Variants in BCAS3 observed in about 807,000 individuals in gnomAD.
BCAS3 encodes BCAS3 microtubule associated cell migration factor, also known as BCAS4/BCAS3 fusion.
BCAS3 carries 53 observed loss-of-function variants against 116.1 expected under a neutral mutation model. The ratio of observed to expected loss-of-function variants is 0.46; its 90% CI spans 0.37 to 0.57. The LOEUF is 0.57. BCAS3 is among the 20% of genes least tolerant of loss of function. The pLI, the probability that BCAS3 is intolerant of heterozygous loss-of-function variation, is 0.00. For missense variants in BCAS3, 917 were observed against 1,165.4 expected (o/e 0.79, Z 3.10); for synonymous variants, 391 against 408.2 (o/e 0.96, Z 0.51).
chr17:61,371,236 T>A (rs2059025775), intron 23 of BCAS3, among the ~76,000 whole-genome samples: 2 of 152,338 alleles, frequency 1.3e-5, no homozygotes, highest in South Asian at 4.1e-4. Context: ...AGCCTTGATT[T>A]GTGGATTTCT....
Position 61,316,994 on chromosome 17 carries a change from C to G in BCAS3, c.2426-51333C>G, listed in dbSNP as rs573059568. 6.6e-6 allele frequency among the ~76,000 whole-genome samples: 1 copy of G among 152,156 alleles called. No individual in the cohort carries two copies. The highest frequency in any genetic ancestry group is 1.5e-5 in the Non-Finnish European group (1 of 68,042). On this transcript the variant is annotated intron_variant, in intron 22 of 23. Transcript: ENST00000407086. This position sits in a 1 kb window ranked among gnomAD's most constrained non-coding sequence, Gnocchi z 5.8. ...CCTCTCACCTCAGACACTGATGGTA[C>G]TATTAGAGTTCGGGAGGCTTCAACA...
At chr17:60,925,755 G>A (rs953550852) in intron 13 of BCAS3, among the ~76,000 whole-genome samples, 3 of 152,028 alleles carry the variant, frequency 2.0e-5, no homozygotes, top group African/African-American at 7.2e-5. Flanking sequence ...TCACAGTAAG[G>A]AGTTGGTGTA....
At chr17:60,933,253 C>A (rs1390707278) in intron 13 of BCAS3, among the ~76,000 whole-genome samples, 1 of 152,176 alleles carries the variant, frequency 6.6e-6, no homozygotes, top group East Asian at 1.9e-4. Flanking sequence ...TTTTGGACAA[C>A]AAACTATTTC....
rs1217257703 is a variant in BCAS3 at position 61,079,657 on chromosome 17, G to A, written c.2327+1128G>A. On this transcript the variant is annotated intron_variant, in intron 21 of 23. Coordinates refer to ENST00000407086, the MANE Select transcript of BCAS3 (RefSeq NM_017679.5). ...GTCACTCAGGCTGGAGTGCAATGGTGTGATCTCTGCTCACTGCAACCTCTG... is the reference window on the plus strand; with the variant it reads ...GTCACTCAGGCTGGAGTGCAATGGTATGATCTCTGCTCACTGCAACCTCTG... 3.3e-5 allele frequency among the ~76,000 whole-genome samples: 5 copies of A among 152,118 alleles called. No individual in the cohort carries two copies. In the East Asian group the frequency reaches 9.7e-4, roughly 29 times the overall value.
rs1162942971 is a variant in BCAS3 at position 60,911,123 on chromosome 17, C to CTTTTTTTTTTTTTTTTTT, written c.993+438_993+439insTTTTTTTTTTTTTTTTTT. On this transcript the variant is annotated intron_variant, in intron 12 of 23. Coordinates refer to ENST00000407086, the MANE Select transcript of BCAS3 (RefSeq NM_017679.5). Reference sequence around the variant, plus strand: ...AATAAATTTTTTTCTTTTTTTCTTTCTTTTTTTTTTTTTTTTTGAGATGGA... The same window carrying CTTTTTTTTTTTTTTTTTT: ...AATAAATTTTTTTCTTTTTTTCTTTCTTTTTTTTTTTTTTTTTTTTTTTTTTTTTTTTTTTGAGATGGA... Among the ~76,000 whole-genome samples the CTTTTTTTTTTTTTTTTTT allele has an allele frequency of 1.1e-3, 98 of 88,266 alleles. 4 individuals are homozygous for CTTTTTTTTTTTTTTTTTT. The highest frequency in any genetic ancestry group is 1.9e-3 in the East Asian group (5 of 2,586). 57.9% of individuals were successfully genotyped at this position (88,266 alleles called of 152,430 possible).
At chr17:60,856,997 A>G (rs977047286) in intron 7 of BCAS3, among the ~76,000 whole-genome samples, 1 of 152,200 alleles carries the variant, frequency 6.6e-6, no homozygotes, top group Non-Finnish European at 1.5e-5. Flanking sequence ...TAAAATCTTA[A>G]TAACTTCCTT....
chr17:61,267,960 A>G (rs4968544), intron 22 of BCAS3, among the ~76,000 whole-genome samples: 33,301 of 151,808 alleles, frequency 0.22, 3,839 homozygotes, highest in African/African-American at 0.29. Context: ...TCCCCGAGAA[A>G]ACTGGGTCAC....
intron 8 of BCAS3, among the ~76,000 whole-genome samples, chr17:60,870,838 C>A (rs1222657651): frequency 6.6e-6 from 1 of 152,096 alleles, no homozygotes; most frequent in Non-Finnish European, 1.5e-5. Context: ...AAAAACGATG[C>A]CATGTGAATT....
rs2076810901 is a variant in BCAS3, at chr17:61,139,461, G to A, written c.2425+54897G>A. Reference sequence around the variant, plus strand: ...TGTCGAGAGAGCATGGCTGCACCCTGTGCATTCTGGGCACACATCATCTGG... The same window carrying A: ...TGTCGAGAGAGCATGGCTGCACCCTATGCATTCTGGGCACACATCATCTGG... On this transcript the variant is annotated intron_variant, in intron 22 of 23. Transcript: ENST00000407086. This position sits in a 1 kb window ranked among gnomAD's most constrained non-coding sequence, Gnocchi z 4.7. Among the ~76,000 whole-genome samples, 1 of 152,172 alleles carries A rather than the reference G, an allele frequency of 6.6e-6. No individual in the cohort carries two copies. Among genetic ancestry groups the A allele is most frequent in the Non-Finnish European group, 1.5e-5 (1 of 68,036 alleles).
intron 7 of BCAS3, among the ~76,000 whole-genome samples, chr17:60,828,810 A>G (rs1369213054): frequency 6.6e-6 from 1 of 152,138 alleles, no homozygotes; most frequent in Non-Finnish European, 1.5e-5. Context: ...TGTGTCAGCT[A>G]CTGTTAAATA....
chr17:60,985,141 CTTT>C (rs560277871), intron 14 of BCAS3, among the ~76,000 whole-genome samples: 7,693 of 120,442 alleles, frequency 0.064, 453 homozygotes, highest in African/African-American at 0.24. Context: ...CAACTGTATT[CTTT>C]TTTTTTTTTT....
chr17:60,888,299 A>G (rs2056877831), intron 9 of BCAS3, among the ~76,000 whole-genome samples: 2 of 152,232 alleles, frequency 1.3e-5, no homozygotes, highest in African/African-American at 4.8e-5. Context: ...AGTGGTTATC[A>G]GAATTTATTG....
At chr17:61,373,160 G>A (rs1188313564) in intron 23 of BCAS3, among the ~76,000 whole-genome samples, 1 of 151,580 alleles carries the variant, frequency 6.6e-6, no homozygotes, top group Non-Finnish European at 1.5e-5. Context: ...GCATGATCTC[G>A]GCTCACTGCA....
At chr17:61,197,142 A>G (rs1379856085) in intron 22 of BCAS3, among the ~76,000 whole-genome samples, 2 of 152,248 alleles carry the variant, frequency 1.3e-5, no homozygotes, top group Admixed American at 6.5e-5. Context: ...TAACCTGTTG[A>G]TGCTTCAAGA....
At chr17:60,931,368 C>T (rs938818194) in intron 13 of BCAS3, among the ~76,000 whole-genome samples, 3 of 152,078 alleles carry the variant, frequency 2.0e-5, no homozygotes, top group African/African-American at 4.8e-5. Context: ...CTCCACCTCC[C>T]GGGTTCAAGC....
intron 10 of BCAS3, among the ~76,000 whole-genome samples, chr17:60,895,969 TG>T (rs1376752561): frequency 6.6e-6 from 1 of 152,204 alleles, no homozygotes; most frequent in African/African-American, 2.4e-5. Flanking sequence ...GGGCTAAGAA[TG>T]TATATTCTGC....
At chr17:61,382,192 G>A (rs910422638) in intron 23 of BCAS3, among the ~76,000 whole-genome samples, 5 of 151,670 alleles carry the variant, frequency 3.3e-5, no homozygotes, top group African/African-American at 1.2e-4. Context: ...GCCAGACATG[G>A]TGGCGCGTGC....
At chr17:60,918,569 C>T (rs1273394769) in intron 12 of BCAS3, among the ~76,000 whole-genome samples, 2 of 151,860 alleles carry the variant, frequency 1.3e-5, no homozygotes, top group Admixed American at 6.6e-5. Flanking sequence ...CCCAACCTGT[C>T]TTTCTTCATT....
rs543991553 is a variant in BCAS3 at position 60,964,509 on chromosome 17, G to A, written c.1221+17157G>A. On this transcript the variant is annotated intron_variant, in intron 14 of 23. Transcript: ENST00000407086. This position sits in a 1 kb window ranked among gnomAD's most constrained non-coding sequence, Gnocchi z 4.6. The stretch of plus-strand genomic sequence containing the variant: ...CCTGTAGTTTTCTTTTCTTGTTGTC[G>A]TGTCCTTATCTGATTTTACTGTCAA... 7.2e-5 allele frequency among the ~76,000 whole-genome samples: 11 copies of A among 152,034 alleles called. No individual in the cohort carries two copies. The highest frequency in any genetic ancestry group is 5.8e-4 in the East Asian group (3 of 5,182).
Sources: gnomAD v4.1 joint callset for allele counts (sites outside exome capture counted in the v4.1 genomes callset) on GRCh38, gnomAD v4.1.1 for gene constraint, Gnocchi (gnomAD v3.1) non-coding constraint, MANE v1.5 for transcripts, NCBI Gene and HGNC (gene_info 2026-07-23, HGNC 2026-07-21) for gene names.